Variants in CBLL1 observed in about 807,000 individuals in gnomAD.
CBLL1 encodes E3 ubiquitin-protein ligase Hakai.
A neutral mutation model predicts 44.9 loss-of-function variants in CBLL1; 4 were observed. That is an observed-to-expected ratio of 0.09 (90% CI 0.04 to 0.20). The LOEUF (loss-of-function observed/expected upper bound fraction) is 0.20, where lower values mean the gene tolerates loss of function less well. CBLL1 is among the 10% of genes least tolerant of loss of function. The probability of loss-of-function intolerance (pLI) is 1.00; values close to 1 mark genes in which losing one functional copy is unlikely to be tolerated. For missense variants in CBLL1, 569 were observed against 636.7 expected (o/e 0.89, Z 1.14); for synonymous variants, 235 against 202.2 (o/e 1.16, Z -1.38).
chr7:107,746,320 A>C (rs185032968), intron 1 of CBLL1, among the ~76,000 whole-genome samples: 22 of 152,344 alleles, frequency 1.4e-4, no homozygotes, highest in Admixed American at 5.2e-4. Context: ...TCATCTTAAC[A>C]TGAAAATACT....
intron 4 of CBLL1, among the ~76,000 whole-genome samples, chr7:107,755,085 A>G (rs1394882987): frequency 6.6e-6 from 1 of 152,106 alleles, no homozygotes; most frequent in Admixed American, 6.5e-5. Flanking sequence ...ACACCACTGG[A>G]CTCCAGCCTG....
chr7:107,754,787 T>TA (rs534489479), intron 4 of CBLL1, among the ~76,000 whole-genome samples: 21 of 148,840 alleles, frequency 1.4e-4, no homozygotes, highest in East Asian at 3.9e-4. Context: ...GAAACAAGAT[T>TA]AAAAAAAAAA....
chr7:107,753,453 G>C lies in CBLL1; in HGVS notation c.224G>C (p.Gly75Ala), dbSNP rs536454381. Residue 75 changes from glycine to alanine, a missense_variant, in exon 3 of 6, where the codon GGG (glycine) becomes GCG (alanine). Gly to Ala is a moderately conservative substitution (Grantham distance 60). Transcript: ENST00000440859. ...GAAGAAGAACGGTATGACTGTAAAG[G>C]GGGTGAGCTGTTTGCAAATCAGCGA... ...YNEEERYDCK[G>A]GELFANQRRF... 6 of 1,591,166 alleles carry C rather than the reference G, an allele frequency of 3.8e-6. No individual in the cohort carries two copies. The Admixed American group carries it at 1.1e-4, about 29-fold the overall frequency.
At chr7:107,753,837 G>A (rs1793414578) in intron 3 of CBLL1, 58 bp from the exon 4 acceptor site, 7 of 1,078,080 alleles carry the variant, frequency 6.5e-6, no homozygotes, top group Admixed American at 2.3e-5. Flanking sequence ...AATTCATTGT[G>A]TAGATACAAT....
chr7:107,761,523 T>C lies in CBLL1; in HGVS notation c.*2345T>C, dbSNP rs1793757055. On this transcript the variant is annotated 3_prime_UTR_variant, in exon 6 of 6. Coordinates refer to ENST00000440859, the MANE Select transcript of CBLL1 (RefSeq NM_024814.4). ...CTTTCCTTACGGAAAAAGATGTGAA[T>C]CCCAGCCTTATTTCAGGGAAGCCTT... 6.6e-6 allele frequency: 1 copy of C among 152,100 alleles called. No individual in the cohort carries two copies. Among genetic ancestry groups the C allele is most frequent in the Non-Finnish European group, 1.5e-5 (1 of 67,846 alleles). The allele number at this position is 152,100 out of a possible 1,614,324, so 9.4% of individuals were successfully genotyped here. A position where few individuals can be genotyped will look rare whatever the true frequency, so the allele number is the denominator to read the frequency against.
chr7:107,756,172 TAAGG>T (rs1793518752), intron 5 of CBLL1, among the ~76,000 whole-genome samples: 1 of 152,196 alleles, frequency 6.6e-6, no homozygotes, highest in East Asian at 1.9e-4. Context: ...GAATCGTTGA[TAAGG>T]AAGGCTTAAG....
intron 2 of CBLL1, among the ~76,000 whole-genome samples, chr7:107,750,099 C>A (rs1793218117): frequency 2.6e-5 from 4 of 151,872 alleles, no homozygotes; most frequent in African/African-American, 9.7e-5. Context: ...TGCACCCCAC[C>A]TGCCTGGCTA....
Position 107,753,884 on chromosome 7 carries a change from C to G in CBLL1, c.283-11C>G, listed in dbSNP as rs773092264. On this transcript the variant is annotated splice_polypyrimidine_tract_variant and intron_variant, in intron 3 of 5. Coordinates refer to ENST00000440859, the MANE Select transcript of CBLL1 (RefSeq NM_024814.4). ...TGTAAGAAGGTAATTTTAATTATAT[C>G]ATTTCAACAGATAAACATCTTAGGT... 3.1e-5 allele frequency: 47 copies of G among 1,531,078 alleles called. No individual in the cohort carries two copies. Among genetic ancestry groups the G allele is most frequent in the Non-Finnish European group, 3.8e-5 (43 of 1,120,690 alleles). The allele number at this position is 1,531,078 out of a possible 1,614,324, so 94.8% of individuals were successfully genotyped here.
chr7:107,756,787 A>G (rs1793547236), intron 5 of CBLL1, among the ~76,000 whole-genome samples: 5 of 152,294 alleles, frequency 3.3e-5, no homozygotes, highest in South Asian at 4.1e-4. Context: ...TAATGGACTT[A>G]AATGTAACAA....
At chr7:107,752,578 T>C (rs1326588572) in intron 2 of CBLL1, 1 of 1,289,660 alleles carries the variant, frequency 7.8e-7, no homozygotes, top group Admixed American at 2.3e-5. Flanking sequence ...GAAGCCTGGC[T>C]CCTTGGAGGG....
chr7:107,747,020 T>C (rs547387727), intron 1 of CBLL1, among the ~76,000 whole-genome samples: 30 of 152,390 alleles, frequency 2.0e-4, no homozygotes, highest in African/African-American at 7.2e-4. Flanking sequence ...AGTCACTTTC[T>C]ATGTAATATC....
At chr7:107,751,264 G>A (rs1314354201) in intron 2 of CBLL1, among the ~76,000 whole-genome samples, 1 of 152,174 alleles carries the variant, frequency 6.6e-6, no homozygotes, top group East Asian at 1.9e-4. Context: ...AATCTAATGA[G>A]GCTGCTGATC....
chr7:107,754,113 T>C, intron 4 of CBLL1, 135 bp downstream of exon 4: 1 of 445,502 alleles, frequency 2.2e-6, no homozygotes, highest in Non-Finnish European at 4.0e-6. Context: ...CTAAGGGAAG[T>C]ATTGGAATAC....
At chr7:107,751,468 T>A (rs1041392335) in intron 2 of CBLL1, among the ~76,000 whole-genome samples, 2 of 152,228 alleles carry the variant, frequency 1.3e-5, no homozygotes, top group Non-Finnish European at 2.9e-5. Flanking sequence ...GTATTTATTT[T>A]GTAGAATCAA....
At chr7:107,753,303 G>C (rs896424204) in intron 2 of CBLL1, 108 bp from the exon 3 acceptor site, 71 of 642,130 alleles carry the variant, frequency 1.1e-4, no homozygotes, top group Non-Finnish European at 1.9e-4. Context: ...GCTTTGAAAG[G>C]CATCAGATGA....
chr7:107,754,083 T>C (rs1584382908), intron 4 of CBLL1, 105 bp downstream of exon 4: 2 of 526,946 alleles, frequency 3.8e-6, no homozygotes, highest in East Asian at 6.3e-5. Context: ...TTTGCAAAAT[T>C]TTAAATAAGT....
chr7:107,753,285 T>G (rs1793386045), intron 2 of CBLL1, 126 bp from the exon 3 acceptor site: 2 of 598,892 alleles, frequency 3.3e-6, no homozygotes, highest in Non-Finnish European at 5.9e-6. Context: ...TGTCTTATTC[T>G]TAGAAAAGCT....
intron 2 of CBLL1, among the ~76,000 whole-genome samples, chr7:107,753,009 G>A (rs967668792): frequency 7.9e-5 from 12 of 152,182 alleles, no homozygotes; most frequent in Non-Finnish European, 1.2e-4. Flanking sequence ...TTTGTAGCTA[G>A]ACTAGAATAA....
In CBLL1 at chr7:107,758,641, A is replaced by C; in HGVS notation, c.939A>C (p.Pro313=). 6.2e-7 allele frequency: 1 copy of C among 1,613,988 alleles called. No individual in the cohort carries two copies. The highest frequency in any genetic ancestry group is 8.5e-7 in the Non-Finnish European group (1 of 1,179,996). ...SGAREPPPPA[P]APAHHHPEYQ... ...CTAGAGAACCACCACCTCCTGCCCCAGCACCTGCTCACCATCATCCTGAAT... is the reference window on the plus strand; with the variant it reads ...CTAGAGAACCACCACCTCCTGCCCCCGCACCTGCTCACCATCATCCTGAAT... Residue 313 remains proline (P), a synonymous_variant, in exon 6 of 6, where the codon CCA becomes CCC. Transcript: ENST00000440859. The surrounding 1 kb of genome is among the most constrained non-coding windows in gnomAD (Gnocchi z 4.2).
Sources: gnomAD v4.1 joint callset for allele counts (sites outside exome capture counted in the v4.1 genomes callset) on GRCh38, gnomAD v4.1.1 for gene constraint, Gnocchi (gnomAD v3.1) non-coding constraint, MANE v1.5 for transcripts, NCBI Gene and HGNC (gene_info 2026-07-23, HGNC 2026-07-21) for gene names.